The following LCORL variants were observed in gnomAD, a reference collection of about 807,000 sequenced individuals.
LCORL encodes the protein ligand-dependent nuclear receptor corepressor-like protein.
LCORL carries 41 observed loss-of-function variants against 141.8 expected under a neutral mutation model. The ratio of observed to expected loss-of-function variants is 0.29; its 90% confidence interval spans 0.23 to 0.38. The LOEUF (loss-of-function observed/expected upper bound fraction) is 0.38, where lower values mean the gene tolerates loss of function less well. Ranked by LOEUF, LCORL falls within the 10% of genes least tolerant of loss-of-function variation. The pLI is 1.00. For synonymous variants in LCORL, 618 were observed against 694.1 expected, an observed-to-expected ratio of 0.89 and a Z score of 1.72; for missense variants, 1,759 against 2,035.0, an observed-to-expected ratio of 0.86 and a Z score of 2.61.
chr4:17,911,572 C>G, intron 4 of LCORL: 1 of 293,114 alleles, frequency 3.4e-6, no homozygotes, highest in Non-Finnish European at 6.5e-6. Context: ...TTTGAAAAAG[C>G]TTATGAGGAT....
exon 8 of LCORL, chr4:17,844,290 G>A (rs919946828): frequency 2.6e-5 from 4 of 152,292 alleles, no homozygotes; most frequent in African/African-American, 7.2e-5. Context: ...TGTACTATAT[G>A]AAATTGGTCC....
chr4:18,007,315 A>G (rs1303856693), intron 1 of LCORL, among the ~76,000 whole-genome samples: 1 of 152,176 alleles, frequency 6.6e-6, no homozygotes, highest in Non-Finnish European at 1.5e-5. Flanking sequence ...TTAATGCCTA[A>G]TCCACAGTAA....
chr4:18,021,467 C>A lies in LCORL; in HGVS notation c.154+131G>T, dbSNP rs1209819046. On this transcript the variant is annotated intron_variant, in intron 1 of 7. Transcript: ENST00000635767. The surrounding 1 kb of genome is among the most constrained non-coding windows in gnomAD (Gnocchi z 5.5). The stretch of plus-strand genomic sequence containing the variant: ...GAGCGCCGGGGCCGCCGCGCCGCGC[C>A]GCTCCCATCTCGCTCCCCCACCGAA... 3.7e-5 allele frequency: 27 copies of A among 732,012 alleles called. No individual in the cohort carries two copies. Among genetic ancestry groups the A allele is most frequent in the Non-Finnish European group, 5.3e-5 (26 of 490,432 alleles). 45.3% of individuals were successfully genotyped at this position (732,012 alleles called of 1,614,324 possible). A position where few individuals can be genotyped will look rare whatever the true frequency, so the allele number is the denominator to read the frequency against.
At chr4:17,880,601 TTTTTC>T (rs543022377) in intron 6 of LCORL, 82 of 977,046 alleles carry the variant, frequency 8.4e-5, no homozygotes, top group South Asian at 6.6e-4. Flanking sequence ...GTAGTCAGTT[TTTTTC>T]TTTTCTTTTC....
intron 1 of LCORL, among the ~76,000 whole-genome samples, chr4:18,007,600 T>A (rs1385119383): frequency 2.0e-5 from 3 of 152,130 alleles, no homozygotes; most frequent in African/African-American, 7.2e-5. Flanking sequence ...CCTAGTACAA[T>A]GCCCTGTCCA....
intron 1 of LCORL, among the ~76,000 whole-genome samples, chr4:18,012,024 T>C (rs1450731177): frequency 6.6e-6 from 1 of 152,208 alleles, no homozygotes; most frequent in Non-Finnish European, 1.5e-5. Flanking sequence ...AGTAAGCTTT[T>C]TGAACCACAC....
intron 5 of LCORL, among the ~76,000 whole-genome samples, chr4:17,897,784 C>A (rs1045054490): frequency 1.7e-4 from 26 of 152,110 alleles, no homozygotes; most frequent in Non-Finnish European, 2.9e-4. Context: ...CGTCTTTGGG[C>A]TTCCTTGCCT....
chr4:17,985,579 G>A (rs1010619421), intron 1 of LCORL, among the ~76,000 whole-genome samples: 6 of 151,936 alleles, frequency 3.9e-5, no homozygotes, highest in Admixed American at 6.6e-5. Context: ...TTGACATTTC[G>A]ATTGCAACCC....
At chr4:17,948,974 CT>C (rs1739310014) in intron 4 of LCORL, among the ~76,000 whole-genome samples, 1 of 151,916 alleles carries the variant, frequency 6.6e-6, no homozygotes, top group Non-Finnish European at 1.5e-5. Context: ...AGAATATGTC[CT>C]TGTTTTTGGC....
At chr4:17,936,319 A>G (rs1736840208) in intron 4 of LCORL, among the ~76,000 whole-genome samples, 1 of 151,318 alleles carries the variant, frequency 6.6e-6, no homozygotes, top group Non-Finnish European at 1.5e-5. Flanking sequence ...AGAATTTTGG[A>G]ACTACCAGAT....
chr4:17,994,990 T>C (rs1720678708), intron 1 of LCORL, among the ~76,000 whole-genome samples: 1 of 152,026 alleles, frequency 6.6e-6, no homozygotes, highest in Admixed American at 6.6e-5. Context: ...TCAAAACAAC[T>C]TTTAGAATAC....
intron 7 of LCORL, among the ~76,000 whole-genome samples, chr4:17,863,742 A>G (rs1725279597): frequency 6.6e-6 from 1 of 152,232 alleles, no homozygotes; most frequent in Non-Finnish European, 1.5e-5. Context: ...CATGGACTCA[A>G]CCTAAATCCC....
chr4:17,962,387 G>A (rs988007878), intron 3 of LCORL, among the ~76,000 whole-genome samples: 1 of 151,872 alleles, frequency 6.6e-6, no homozygotes, highest in African/African-American at 2.4e-5. Context: ...GACCAAAATT[G>A]GTACAGGTTC....
At position 17,863,248 on chromosome 4, in the gene LCORL, G is replaced by A. The variant is rs1394661685; in HGVS notation, c.5602+10140C>T. On this transcript the variant is annotated intron_variant, in intron 7 of 7. Transcript: ENST00000635767. The stretch of plus-strand genomic sequence containing the variant: ...GGAGAATCACTTGAACATGGGAGGT[G>A]GAGGTGGCAGTGAGCTGAGATTGTG... Among the ~76,000 whole-genome samples the A allele has an allele frequency of 8.1e-4, 124 of 152,310 alleles. 1 individual carries two copies. The highest frequency in any genetic ancestry group is 1.2e-4 in the Non-Finnish European group (8 of 68,022).
intron 5 of LCORL, among the ~76,000 whole-genome samples, chr4:17,901,262 G>T (rs554519298): frequency 5.3e-5 from 8 of 151,950 alleles, no homozygotes; most frequent in South Asian, 2.1e-4. Flanking sequence ...CCCAAAAGTA[G>T]AGTGTGTAAA....
At chr4:17,901,159 T>C (rs949257457) in intron 5 of LCORL, among the ~76,000 whole-genome samples, 2 of 151,332 alleles carry the variant, frequency 1.3e-5, no homozygotes, top group Non-Finnish European at 1.5e-5. Flanking sequence ...GTGGCTTATA[T>C]GAAGAAAAAA....
At chr4:17,933,851 T>C (rs1303866173) in intron 4 of LCORL, among the ~76,000 whole-genome samples, 3 of 152,104 alleles carry the variant, frequency 2.0e-5, no homozygotes, top group Non-Finnish European at 4.4e-5. Flanking sequence ...TGCATTTGAA[T>C]GGTAGAATGG....
At position 17,947,092 on chromosome 4, in the gene LCORL, G is replaced by A. The variant is rs560374483; in HGVS notation, c.430+14811C>T. Among the ~76,000 whole-genome samples, 7 of 152,054 alleles carry A rather than the reference G, an allele frequency of 4.6e-5. No individual in the cohort carries two copies. The East Asian group carries it at 1.3e-3, about 29-fold the overall frequency. ...CATTGTAGCATTATTCACAACAGCTGAATCATGGAATCAAGCTAAGTGTCC... is the reference window on the plus strand; with the variant it reads ...CATTGTAGCATTATTCACAACAGCTAAATCATGGAATCAAGCTAAGTGTCC... On this transcript the variant is annotated intron_variant, in intron 4 of 7. Transcript: ENST00000635767.
At chr4:17,893,483 G>C (rs1729417275) in intron 5 of LCORL, 1 of 985,222 alleles carries the variant, frequency 1.0e-6, no homozygotes, top group African/African-American at 1.7e-5. Context: ...TCATGTGGTA[G>C]GTCAGTGGGG....
Sources: gnomAD v4.1 joint callset for allele counts (sites outside exome capture counted in the v4.1 genomes callset) on GRCh38, gnomAD v4.1.1 for gene constraint, Gnocchi (gnomAD v3.1) non-coding constraint, MANE v1.5 for transcripts, NCBI Gene and HGNC (gene_info 2026-07-23, HGNC 2026-07-21) for gene names.